Variants in ST6GAL1 observed in about 807,000 individuals in gnomAD.
ST6GAL1 encodes beta-galactoside alpha-2,6-sialyltransferase 1.
ST6GAL1 carries 20 observed loss-of-function variants against 38.0 expected under a neutral mutation model. The ratio of observed to expected loss-of-function variants is 0.53; its 90% CI spans 0.37 to 0.77. ST6GAL1 has a LOEUF of 0.77. Ranked by LOEUF, ST6GAL1 falls within the 30% of genes least tolerant of loss-of-function variation. ST6GAL1 has a pLI of 0.00. For synonymous variants in ST6GAL1, 196 were observed against 188.2 expected (o/e 1.04, Z -0.34); for missense variants, 432 against 496.4 (o/e 0.87, Z 1.23).
chr3:186,944,724 A>T (rs887207119), intron 1 of ST6GAL1, among the ~76,000 whole-genome samples: 1 of 152,256 alleles, frequency 6.6e-6, no homozygotes, highest in African/African-American at 2.4e-5. Context: ...GAGAAAAAAG[A>T]TAACGCACTT....
At chr3:186,941,474 T>C (rs1714170273) in intron 1 of ST6GAL1, among the ~76,000 whole-genome samples, 1 of 152,134 alleles carries the variant, frequency 6.6e-6, no homozygotes, top group Non-Finnish European at 1.5e-5. Context: ...ATGTGGAAAC[T>C]AGGACTTTCT....
At chr3:186,945,159 T>C (rs764104717) in intron 1 of ST6GAL1, among the ~76,000 whole-genome samples, 2 of 152,012 alleles carry the variant, frequency 1.3e-5, no homozygotes, top group Non-Finnish European at 1.5e-5. Flanking sequence ...ATGAAAATCA[T>C]CAGCTGGGTG....
At chr3:187,005,401 CG>C (rs775921921) in intron 2 of ST6GAL1, among the ~76,000 whole-genome samples, 6 of 151,732 alleles carry the variant, frequency 4.0e-5, no homozygotes, top group Admixed American at 1.3e-4. Flanking sequence ...TCAGCCTCCC[CG>C]GTAGCTGGGA....
intron 2 of ST6GAL1, among the ~76,000 whole-genome samples, chr3:186,991,509 A>G (rs932945911): frequency 1.1e-4 from 16 of 152,022 alleles, no homozygotes; most frequent in Admixed American, 6.6e-5. Flanking sequence ...TACACTTTTT[A>G]TGTCAGACTT....
At chr3:186,967,654 G>T (rs1715194556) in intron 2 of ST6GAL1, among the ~76,000 whole-genome samples, 1 of 152,194 alleles carries the variant, frequency 6.6e-6, no homozygotes, top group African/African-American at 2.4e-5. Context: ...ACGTGGAGGT[G>T]GTGCCCTGCC....
At chr3:187,015,676 A>G (rs1366274862) in intron 2 of ST6GAL1, among the ~76,000 whole-genome samples, 1 of 152,022 alleles carries the variant, frequency 6.6e-6, no homozygotes, top group African/African-American at 2.4e-5. Flanking sequence ...TGTTTCTACA[A>G]AAAATTACAA....
intron 3 of ST6GAL1, among the ~76,000 whole-genome samples, chr3:187,040,284 A>G (rs967422236): frequency 6.6e-6 from 1 of 152,224 alleles, no homozygotes; most frequent in African/African-American, 2.4e-5. Flanking sequence ...AGTGCACAGC[A>G]GGGATGGCAG....
At chr3:186,987,526 G>C (rs943921282) in intron 2 of ST6GAL1, among the ~76,000 whole-genome samples, 1 of 152,174 alleles carries the variant, frequency 6.6e-6, no homozygotes, top group Non-Finnish European at 1.5e-5. Flanking sequence ...ACCCAGCATA[G>C]TGTCTTATTC....
chr3:186,978,221 TAAAAGAA>T (rs1451222233), intron 2 of ST6GAL1, among the ~76,000 whole-genome samples: 2 of 151,450 alleles, frequency 1.3e-5, no homozygotes, highest in Non-Finnish European at 2.9e-5. Flanking sequence ...AAAATAAAAA[TAAAAGAA>T]AAAAGAAAAA....
rs1713712656 is a variant in ST6GAL1, at chr3:186,930,777, G to A, written c.-382G>A. 2 of 152,356 alleles carry A rather than the reference G, an allele frequency of 1.3e-5. No homozygotes were observed. The highest frequency in any genetic ancestry group is 2.9e-5 in the Non-Finnish European group (2 of 68,172). The allele number at this position is 152,356 out of a possible 1,614,324, so 9.4% of individuals were successfully genotyped here. A position where few individuals can be genotyped will look rare whatever the true frequency, so the allele number is the denominator to read the frequency against. ...TACCGACCGGCGTGGGCGCGGAGCG[G>A]GCGGCCGCCACCGAGCGTGCTGAGC... On this transcript the variant is annotated 5_prime_UTR_variant, in exon 1 of 8. Transcript: ENST00000169298.
At chr3:187,034,515 T>G (rs1290077213) in intron 2 of ST6GAL1, among the ~76,000 whole-genome samples, 2 of 152,086 alleles carry the variant, frequency 1.3e-5, no homozygotes, top group South Asian at 4.1e-4. Flanking sequence ...AACAAAACAC[T>G]AGCATACCGA....
chr3:186,986,519 T>G (rs1206361356), intron 2 of ST6GAL1: 1 of 152,660 alleles, frequency 6.6e-6, no homozygotes, highest in East Asian at 1.9e-4. Context: ...AGGGGGTTGC[T>G]TTTTGATCCA....
intron 3 of ST6GAL1, 41 bp downstream of exon 3, chr3:187,038,914 T>C (rs1718032178): frequency 6.6e-6 from 1 of 152,188 alleles, no homozygotes; most frequent in African/African-American, 2.4e-5. Context: ...AAGGGGTACA[T>C]TCCTGAGTAA....
chr3:186,961,125 G>A (rs140169002), intron 1 of ST6GAL1, among the ~76,000 whole-genome samples: 5,603 of 152,120 alleles, frequency 0.037, 147 homozygotes, highest in East Asian at 0.068. Flanking sequence ...ACAGGTGCAC[G>A]CCACCATGCC....
chr3:187,010,210 A>G, intron 2 of ST6GAL1, among the ~76,000 whole-genome samples: 1 of 152,176 alleles, frequency 6.6e-6, no homozygotes, highest in Non-Finnish European at 1.5e-5. Flanking sequence ...GAGAATGGTC[A>G]TTTTTAATGC....
At chr3:186,956,734 C>A (rs980587853) in intron 1 of ST6GAL1, among the ~76,000 whole-genome samples, 2 of 152,190 alleles carry the variant, frequency 1.3e-5, no homozygotes, top group African/African-American at 2.4e-5. Context: ...CACAATCACC[C>A]TCCCGTAAGA....
At chr3:187,064,557 T>C in intron 5 of ST6GAL1, 1 of 456,736 alleles carries the variant, frequency 2.2e-6, no homozygotes, top group Non-Finnish European at 4.4e-6. Context: ...GCGAGGAAGG[T>C]GGCCCACTTC....
At chr3:186,985,320 C>A (rs1252782702) in intron 2 of ST6GAL1, among the ~76,000 whole-genome samples, 2 of 152,016 alleles carry the variant, frequency 1.3e-5, no homozygotes, top group Non-Finnish European at 2.9e-5. Flanking sequence ...TCTCCCTCTG[C>A]TAGTATGTAA....
intron 1 of ST6GAL1, among the ~76,000 whole-genome samples, chr3:186,951,372 G>T (rs1186496840): frequency 6.6e-6 from 1 of 152,176 alleles, no homozygotes; most frequent in East Asian, 1.9e-4. Context: ...TCTTGGCCAT[G>T]ACTCTTAAGG....
Sources: allele counts gnomAD v4.1 joint callset (sites outside exome capture counted in the v4.1 genomes callset), GRCh38; gene constraint gnomAD v4.1.1; transcripts MANE v1.5; gene names NCBI Gene and HGNC (gene_info 2026-07-23, HGNC 2026-07-21).